ELP5: variants seen among roughly 807,000 people sequenced by gnomAD.
The protein encoded by ELP5 is elongator acetyltransferase complex subunit 5.
ELP5 carries 34 observed loss-of-function variants against 33.4 expected under a neutral mutation model. The observed-to-expected ratio is 1.02, with a 90% CI of 0.78 to 1.36. The LOEUF (loss-of-function observed/expected upper bound fraction) is 1.36, where lower values mean the gene tolerates loss of function less well. Ranked by LOEUF, ELP5 falls within the 40% of genes most tolerant of loss-of-function variation. The probability of loss-of-function intolerance (pLI) is 0.00; values close to 1 mark genes in which losing one functional copy is unlikely to be tolerated. For synonymous variants in ELP5, 161 were observed against 146.4 expected (o/e 1.10, Z -0.72); for missense variants, 373 against 371.7 (o/e 1.00, Z -0.03).
At chr17:7,253,127 G>A in intron 3 of ELP5, 129 bp downstream of exon 3, 1 of 879,032 alleles carries the variant, frequency 1.1e-6, no homozygotes, top group Non-Finnish European at 1.8e-6. Context: ...ATTGGATATG[G>A]ATCTTTCAGG....
chr17:7,258,914 TCA>T lies in ELP5; in HGVS notation c.777_778del (p.Phe259LeufsTer3). On this transcript the variant is annotated frameshift_variant, in exon 7 of 8. Transcript: ENST00000396628. LOFTEE classifies it high-confidence loss of function. ...GATAGCCTGATCCTGCCCTTCCAGT[TCA>T]GTTCTGAAAAGTAAGGTTGGGACCT... The T allele has an allele frequency of 6.2e-7, 1 of 1,614,114 alleles. No individual in the cohort carries two copies.
chr17:7,253,497 T>C (rs959079431), intron 3 of ELP5, among the ~76,000 whole-genome samples: 2 of 152,184 alleles, frequency 1.3e-5, no homozygotes, highest in Non-Finnish European at 2.9e-5. Context: ...TTGACTAATA[T>C]GGGGGAGAAG....
At chr17:7,252,629 G>T in intron 1 of ELP5, 33 bp downstream of exon 1, 2 of 1,605,484 alleles carry the variant, frequency 1.2e-6, no homozygotes, top group Non-Finnish European at 8.5e-7. Context: ...CGGGGCGGGG[G>T]GTGCGGTTCG....
chr17:7,258,597 T>TTC lies in ELP5; in HGVS notation c.604_605dup (p.Ile203ProfsTer16), dbSNP rs1567593914. 1 of 1,614,168 alleles carries TTC rather than the reference T, an allele frequency of 6.2e-7. No homozygotes were observed. The highest frequency in any genetic ancestry group is 8.5e-7 in the Non-Finnish European group (1 of 1,180,014). On this transcript the variant is annotated frameshift_variant, in exon 6 of 8. Coordinates refer to ENST00000396628, the MANE Select transcript of ELP5 (RefSeq NM_203414.3). LOFTEE classifies it high-confidence loss of function. ...TCTTTTTTCTCTCCAGACTCAGTGGTTCTCCATCCTTCCGGACTTCAGCCT... is the reference window on the plus strand; with the variant it reads ...TCTTTTTTCTCTCCAGACTCAGTGGTTCTCTCCATCCTTCCGGACTTCAGCCT...
rs182192371 is a variant in ELP5, at chr17:7,252,850, T to C, written c.107+20T>C. The C allele has an allele frequency of 9.9e-4, 1,604 of 1,614,142 alleles. 16 individuals are homozygous for C. The African/African-American group carries it at 0.019, about 20-fold the overall frequency. Reference sequence around the variant, plus strand: ...ACTGTGGTGAGTATCCCACAGTGTCTCCCCGGCCTACCCTGGATAGGGCAC... The same window carrying C: ...ACTGTGGTGAGTATCCCACAGTGTCCCCCCGGCCTACCCTGGATAGGGCAC... On this transcript the variant is annotated intron_variant, in intron 2 of 7. Coordinates refer to ENST00000396628, the MANE Select transcript of ELP5 (RefSeq NM_203414.3).
intron 7 of ELP5, 49 bp from the exon 8 acceptor site, chr17:7,259,522 G>T: frequency 1.2e-6 from 2 of 1,611,316 alleles, no homozygotes; most frequent in South Asian, 2.2e-5. Context: ...AAAGTATCCA[G>T]ACCCAACCTG....
chr17:7,258,801 G>A (rs1318064248), intron 6 of ELP5, 25 bp from the exon 7 acceptor site: 9 of 1,614,080 alleles, frequency 5.6e-6, no homozygotes, highest in Non-Finnish European at 7.6e-6. Context: ...ATGGGGCAGA[G>A]TGGCAGCATC....
chr17:7,253,067 A>C, intron 3 of ELP5, 69 bp downstream of exon 3: 11 of 1,484,484 alleles, frequency 7.4e-6, no homozygotes, highest in Non-Finnish European at 9.4e-6. Flanking sequence ...TCTTTACAAC[A>C]AGCGCAGAAC....
chr17:7,255,526 C>CA (rs1004666450), intron 4 of ELP5, among the ~76,000 whole-genome samples: 1,375 of 129,134 alleles, frequency 0.011, 24 homozygotes, highest in African/African-American at 0.034. Flanking sequence ...GACTCCATCT[C>CA]AAAAAAAAAA....
intron 3 of ELP5, among the ~76,000 whole-genome samples, chr17:7,253,338 C>T (rs761185735): frequency 3.3e-5 from 5 of 152,156 alleles, no homozygotes; most frequent in African/African-American, 9.7e-5. Context: ...ATACTGGAGA[C>T]GGCAGTGAGT....
chr17:7,253,061 TACA>T, intron 3 of ELP5, 63 bp downstream of exon 3: 1 of 1,525,456 alleles, frequency 6.6e-7, no homozygotes, highest in African/African-American at 1.4e-5. Context: ...GAAATTTCTT[TACA>T]ACAAGCGCAG....
In ELP5 at chr17:7,252,849, C is replaced by G. The variant is rs1281582660; in HGVS notation, c.107+19C>G. 7.4e-6 allele frequency: 12 copies of G among 1,614,046 alleles called. No homozygotes were observed. Among genetic ancestry groups the G allele is most frequent in the Non-Finnish European group, 1.0e-5 (12 of 1,180,000 alleles). On this transcript the variant is annotated intron_variant, in intron 2 of 7. Coordinates refer to ENST00000396628, the MANE Select transcript of ELP5 (RefSeq NM_203414.3). ...CACTGTGGTGAGTATCCCACAGTGT[C>G]TCCCCGGCCTACCCTGGATAGGGCA...
At chr17:7,253,023 G>A in intron 3 of ELP5, 25 bp downstream of exon 3, 1 of 1,611,136 alleles carries the variant, frequency 6.2e-7, no homozygotes, top group South Asian at 1.1e-5. Context: ...GAAGAGATTT[G>A]ATTAAATTTG....
In ELP5 at chr17:7,252,595, G is replaced by C. The variant is rs767650304; in HGVS notation, c.45G>C (p.Arg15=). The C allele has an allele frequency of 6.2e-7, 1 of 1,612,332 alleles. No homozygotes were observed. The highest frequency in any genetic ancestry group is 1.7e-5 in the Admixed American group (1 of 59,890). ...LLALGGLVLL[R]DSVEWEGRSL... The stretch of plus-strand genomic sequence containing the variant: ...CCTTGGGCGGCCTGGTGCTGCTTCG[G>C]GGTGAGAGCCAGAGGCACGGTGGCG... The change falls in exon 1 of 8, where the codon CGG becomes CGC. Residue 15 remains arginine (R), a splice_region_variant and synonymous_variant. Transcript: ENST00000396628.
In ELP5 at chr17:7,258,643, C is replaced by T; in HGVS notation, c.647C>T (p.Ser216Phe). 2 of 1,614,184 alleles carry T rather than the reference C, an allele frequency of 1.2e-6. No individual in the cohort carries two copies. The highest frequency in any genetic ancestry group is 1.1e-5 in the South Asian group (1 of 91,086). ...DFSLDLQEGPSVESQPYSDPH... is the reference protein window; with the variant it reads ...DFSLDLQEGPFVESQPYSDPH... ...AGCCTGGATCTCCAAGAGGGGCCCT[C>T]TGTAGAGTCCCAGCCCTACTCCGAT... is the stretch of plus-strand genomic sequence containing the variant. Residue 216 changes from serine (S) to phenylalanine (F), a missense_variant, in exon 6 of 8, where the codon TCT becomes TTT. Ser to Phe is a radical substitution (Grantham distance 155). Transcript: ENST00000396628.
In ELP5 at chr17:7,254,665, T is replaced by G. The variant is rs1408853949; in HGVS notation, c.271T>G (p.Leu91Val). The G allele has an allele frequency of 6.8e-6, 11 of 1,614,182 alleles. No individual in the cohort carries two copies. The highest frequency in any genetic ancestry group is 9.3e-6 in the Non-Finnish European group (11 of 1,180,030). Reference sequence around the variant, plus strand: ...CTTTCCTGGGGGGCCGCTGGGAGCCTTGAGAGCCATGTGCAAGAGGACAGA... The same window carrying G: ...CTTTCCTGGGGGGCCGCTGGGAGCCGTGAGAGCCATGTGCAAGAGGACAGA... The part of the protein sequence containing the change: ...EAFPGGPLGA[L>V]RAMCKRTDPV... The change falls in exon 4 of 8, where the codon TTG (leucine) becomes GTG (valine). Residue 91 changes from leucine (L) to valine (V), a missense_variant. Coordinates refer to ENST00000396628, the MANE Select transcript of ELP5 (RefSeq NM_203414.3).
Position 7,258,699 on chromosome 17 carries a change from A to C in ELP5, c.687+16A>C, listed in dbSNP as rs1265038857. Reference sequence around the variant, plus strand: ...TATACCCCCGGTATCTAAGAATGCCAAGGCCAGAACAAGGAAATGTAGTTT... The same window carrying C: ...TATACCCCCGGTATCTAAGAATGCCCAGGCCAGAACAAGGAAATGTAGTTT... On this transcript the variant is annotated intron_variant, in intron 6 of 7. Coordinates refer to ENST00000396628, the MANE Select transcript of ELP5 (RefSeq NM_203414.3). 1.2e-6 allele frequency: 2 copies of C among 1,614,058 alleles called. No individual in the cohort carries two copies. Among genetic ancestry groups the C allele is most frequent in the Non-Finnish European group, 1.7e-6 (2 of 1,180,034 alleles).
In ELP5 at chr17:7,252,594, G is replaced by C; in HGVS notation, c.44G>C (p.Arg15Pro). The C allele has an allele frequency of 6.2e-7, 1 of 1,612,252 alleles. No homozygotes were observed. The highest frequency in any genetic ancestry group is 8.5e-7 in the Non-Finnish European group (1 of 1,179,622). Residue 15 changes from arginine (R) to proline (P), a missense_variant and splice_region_variant, in exon 1 of 8, where the codon CGG becomes CCG. Arg to Pro is a moderately radical substitution (Grantham distance 103). Coordinates refer to ENST00000396628, the MANE Select transcript of ELP5 (RefSeq NM_203414.3). ...LLALGGLVLLRDSVEWEGRSL... is the reference protein window; with the variant it reads ...LLALGGLVLLPDSVEWEGRSL... ...GCCTTGGGCGGCCTGGTGCTGCTTC[G>C]GGGTGAGAGCCAGAGGCACGGTGGC...
At position 7,258,811 on chromosome 17, in the gene ELP5, C is replaced by T. The variant is rs1279397096; in HGVS notation, c.688-15C>T. ...TAGGGATGGGGCAGAGTGGCAGCATCCTTTGTACCTACAGGTGGATCCCAC... is the reference window on the plus strand; with the variant it reads ...TAGGGATGGGGCAGAGTGGCAGCATTCTTTGTACCTACAGGTGGATCCCAC... On this transcript the variant is annotated splice_polypyrimidine_tract_variant and intron_variant, in intron 6 of 7. Coordinates refer to ENST00000396628, the MANE Select transcript of ELP5 (RefSeq NM_203414.3). 1.2e-6 allele frequency: 2 copies of T among 1,614,112 alleles called. No homozygotes were observed. The highest frequency in any genetic ancestry group is 2.2e-5 in the South Asian group (2 of 91,076).
Sources: allele counts gnomAD v4.1 joint callset (sites outside exome capture counted in the v4.1 genomes callset), GRCh38; gene constraint gnomAD v4.1.1; transcripts MANE v1.5; gene names NCBI Gene and HGNC (gene_info 2026-07-23, HGNC 2026-07-21).